The following PTPRN2 variants were observed in gnomAD, a reference collection of about 807,000 sequenced individuals.
PTPRN2 encodes receptor-type tyrosine-protein phosphatase N2.
In PTPRN2, 74 loss-of-function variants were observed where a neutral mutation model predicts 118.8. The observed-to-expected ratio is 0.62, with a 90% CI of 0.52 to 0.76. The LOEUF (loss-of-function observed/expected upper bound fraction) is 0.76. Among genes scored for constraint, PTPRN2 ranks in the 30% least tolerant of loss-of-function variants. The pLI is 0.00. For missense variants in PTPRN2, 1,481 were observed against 1,394.4 expected (o/e 1.06, Z -0.99); for synonymous variants, 641 against 608.0 (o/e 1.05, Z -0.80).
Position 157,953,104 on chromosome 7 carries a change from C to G in PTPRN2, c.1724-54367G>C, listed in dbSNP as rs925249938. ...CCAGTGCCAGGAACCACCGGACCCA[C>G]GGGGTGAGCCCTCTGGCTCGAGAAG... On this transcript the variant is annotated intron_variant, in intron 11 of 22. Transcript: ENST00000389418. The surrounding 1 kb of genome is among the most constrained non-coding windows in gnomAD (Gnocchi z 4.6). 6.6e-6 allele frequency among the ~76,000 whole-genome samples: 1 copy of G among 152,172 alleles called. No homozygotes were observed. The highest frequency in any genetic ancestry group is 1.5e-5 in the Non-Finnish European group (1 of 68,030).
chr7:158,534,778 T>C (rs1247471522), intron 1 of PTPRN2, among the ~76,000 whole-genome samples: 3 of 152,072 alleles, frequency 2.0e-5, no homozygotes, highest in African/African-American at 7.2e-5. Flanking sequence ...ATTCTCCATA[T>C]GTTTCTTGGC....
At chr7:158,007,170 G>A (rs79692110) in intron 11 of PTPRN2, among the ~76,000 whole-genome samples, 36 of 152,252 alleles carry the variant, frequency 2.4e-4, no homozygotes, top group African/African-American at 7.7e-4. Flanking sequence ...AACCTCAATC[G>A]CCTCCTGAAA....
chr7:157,931,567 G>C (rs1055906448), intron 11 of PTPRN2, among the ~76,000 whole-genome samples: 5 of 152,234 alleles, frequency 3.3e-5, no homozygotes, highest in African/African-American at 1.2e-4. Context: ...TGGGGCTAGA[G>C]CATTAACTCT....
intron 11 of PTPRN2, chr7:158,030,399 C>G (rs1376560599): frequency 2.0e-5 from 3 of 152,268 alleles, no homozygotes; most frequent in Admixed American, 6.5e-5. Flanking sequence ...AAGCACAGAG[C>G]TGAGCCAGCT....
intron 11 of PTPRN2, among the ~76,000 whole-genome samples, chr7:157,980,931 G>C (rs913523578): frequency 6.6e-6 from 1 of 151,682 alleles, no homozygotes; most frequent in Non-Finnish European, 1.5e-5. Flanking sequence ...GGGGACAGGG[G>C]AGGGATAAGT....
At chr7:158,116,836 A>T (rs1816766676) in intron 9 of PTPRN2, among the ~76,000 whole-genome samples, 2 of 152,230 alleles carry the variant, frequency 1.3e-5, no homozygotes. Context: ...GAAAGTCACC[A>T]CACATGCTCA....
intron 13 of PTPRN2, among the ~76,000 whole-genome samples, chr7:157,666,518 C>G (rs1316937975): frequency 6.6e-6 from 1 of 151,690 alleles, no homozygotes; most frequent in African/African-American, 2.4e-5. Flanking sequence ...AAAAAAAACC[C>G]CACAGTAGAA....
chr7:158,117,910 A>G (rs140552155), intron 9 of PTPRN2, among the ~76,000 whole-genome samples: 8 of 152,342 alleles, frequency 5.3e-5, no homozygotes, highest in Admixed American at 6.5e-5. Context: ...CCTGCCTTGC[A>G]AGAAATATTC....
chr7:158,262,295 GCA>G (rs1202843398), intron 3 of PTPRN2, among the ~76,000 whole-genome samples: 11 of 150,590 alleles, frequency 7.3e-5, no homozygotes, highest in Non-Finnish European at 1.2e-4. Flanking sequence ...CACACACACC[GCA>G]CACACATTCA....
intron 2 of PTPRN2, among the ~76,000 whole-genome samples, chr7:158,484,106 T>C (rs1820827355): frequency 6.6e-6 from 1 of 152,210 alleles, no homozygotes; most frequent in Non-Finnish European, 1.5e-5. Flanking sequence ...ATTGCACCAC[T>C]GCACGCCAAC....
At chr7:158,400,883 G>GCC (rs1384669440) in intron 2 of PTPRN2, among the ~76,000 whole-genome samples, 2 of 152,008 alleles carry the variant, frequency 1.3e-5, no homozygotes, top group Non-Finnish European at 2.9e-5. Flanking sequence ...CCAACCAGCA[G>GCC]CCCCCGTCCC....
In PTPRN2 at chr7:158,566,706, T is replaced by G. The variant is rs1007842925; in HGVS notation, c.112+20852A>C. 5.3e-5 allele frequency among the ~76,000 whole-genome samples: 8 copies of G among 152,174 alleles called. No individual in the cohort carries two copies. In the South Asian group the frequency reaches 1.7e-3, roughly 32 times the overall value. On this transcript the variant is annotated intron_variant, in intron 1 of 22. Transcript: ENST00000389418. ...ATAAAAGATTGTTAAAGTGGGGTTTTTTTTGTTTTGTTTTGTTTTGTTTGT... is the reference window on the plus strand; with the variant it reads ...ATAAAAGATTGTTAAAGTGGGGTTTGTTTTGTTTTGTTTTGTTTTGTTTGT...
At chr7:158,181,448 T>C (rs1384281017) in intron 5 of PTPRN2, among the ~76,000 whole-genome samples, 2 of 152,198 alleles carry the variant, frequency 1.3e-5, no homozygotes, top group African/African-American at 4.8e-5. Flanking sequence ...TGATACTGGC[T>C]TCATAGAATT....
chr7:157,749,973 GTTC>G (rs1475041728), intron 12 of PTPRN2, among the ~76,000 whole-genome samples: 10 of 151,514 alleles, frequency 6.6e-5, no homozygotes, highest in African/African-American at 2.4e-4. Flanking sequence ...GCTGTGGGCT[GTTC>G]ACGTGATTCT....
At chr7:158,226,801 T>C (rs964204807) in intron 3 of PTPRN2, among the ~76,000 whole-genome samples, 1 of 151,874 alleles carries the variant, frequency 6.6e-6, no homozygotes, top group African/African-American at 2.4e-5. Flanking sequence ...CACTGTGTCC[T>C]ATTATATCAT....
chr7:158,330,091 C>T (rs201016647), intron 2 of PTPRN2, among the ~76,000 whole-genome samples: 5 of 132,952 alleles, frequency 3.8e-5, no homozygotes, highest in Admixed American at 7.8e-5. Context: ...CACCTGCAGA[C>T]GTCACTCACA....
At chr7:157,640,286 A>C (rs1409772523) in intron 14 of PTPRN2, among the ~76,000 whole-genome samples, 1 of 152,254 alleles carries the variant, frequency 6.6e-6, no homozygotes, top group Non-Finnish European at 1.5e-5. Flanking sequence ...CTTTAACATT[A>C]TAACTACAAT....
Position 157,874,034 on chromosome 7 carries a change from G to A in PTPRN2, c.1788+24639C>T, listed in dbSNP as rs77790576. ...GGGAAGAGCTCTCGGGACCTCGGGG[G>A]AGTGAGGTGGCCCAGGCCTGGCACA... On this transcript the variant is annotated intron_variant, in intron 12 of 22. Transcript: ENST00000389418. This position sits in a 1 kb window ranked among gnomAD's most constrained non-coding sequence, Gnocchi z 5.8. Among the ~76,000 whole-genome samples, 22 of 152,344 alleles carry A rather than the reference G, an allele frequency of 1.4e-4. 1 individual carries two copies. The East Asian group carries it at 4.3e-3, about 29-fold the overall frequency.
In PTPRN2 at chr7:158,517,310, C is replaced by T. The variant is rs965445185; in HGVS notation, c.113-27525G>A. 2.6e-5 allele frequency among the ~76,000 whole-genome samples: 4 copies of T among 152,190 alleles called. No individual in the cohort carries two copies. Among genetic ancestry groups the T allele is most frequent in the Non-Finnish European group, 5.9e-5 (4 of 68,032 alleles). ...CTTGGAGGAGGCAGAGTGCGGGCAGCGCCCCCTCACAGAACCGCAGCAACG... is the reference window on the plus strand; with the variant it reads ...CTTGGAGGAGGCAGAGTGCGGGCAGTGCCCCCTCACAGAACCGCAGCAACG... On this transcript the variant is annotated intron_variant, in intron 1 of 22. Transcript: ENST00000389418. The surrounding 1 kb of genome is among the most constrained non-coding windows in gnomAD (Gnocchi z 5.3).
Sources: allele counts gnomAD v4.1 joint callset (sites outside exome capture counted in the v4.1 genomes callset), GRCh38; gene constraint gnomAD v4.1.1; non-coding constraint Gnocchi (gnomAD v3.1); transcripts MANE v1.5; gene names NCBI Gene and HGNC (gene_info 2026-07-23, HGNC 2026-07-21).